SHROOM4: variants seen among roughly 807,000 people sequenced by gnomAD.
SHROOM4 encodes the protein shroom family member 4.
SHROOM4 carries 17 observed loss-of-function variants against 80.3 expected under a neutral mutation model. The ratio of observed to expected loss-of-function variants is 0.21; its 90% CI spans 0.14 to 0.32. The LOEUF is 0.32. Among genes scored for constraint, SHROOM4 ranks in the 10% least tolerant of loss-of-function variants. The probability of loss-of-function intolerance (pLI) is 1.00; values close to 1 mark genes in which losing one functional copy is unlikely to be tolerated. For synonymous variants in SHROOM4, 400 were observed against 437.5 expected (o/e 0.91, Z 1.07); for missense variants, 993 against 1,140.3 (o/e 0.87, Z 1.86).
At chrX:50,768,293 A>G (rs868944002) in intron 1 of SHROOM4, among the ~76,000 whole-genome samples, 30 of 112,187 alleles carry the variant, frequency 2.7e-4, no homozygotes, top group African/African-American at 9.1e-4. Context: ...TTCAAAATAA[A>G]TAGAAATAAG....
chrX:50,607,956 G>A lies in SHROOM4; in HGVS notation c.3186C>T (p.His1062=), dbSNP rs376167931. The stretch of plus-strand genomic sequence containing the variant: ...GGGTGCTTTGGGGCGCCAAGCTGAT[G>A]TGACTCTCTGAGAAGGCACGGCTGC... The part of the protein sequence containing the change: ...PLRSRAFSES[H]ISLAPQSTRA... Residue 1062 remains histidine (H), a synonymous_variant, in exon 6 of 9, where the codon CAC becomes CAT. Transcript: ENST00000376020. The A allele has an allele frequency of 7.4e-6, 9 of 1,210,317 alleles. No homozygotes were observed. In the African/African-American group the frequency reaches 1.2e-4, roughly 16 times the overall value.
At chrX:50,737,460 C>A (rs1557266784) in intron 1 of SHROOM4, among the ~76,000 whole-genome samples, 1 of 111,460 alleles carries the variant, frequency 9.0e-6, no homozygotes. Flanking sequence ...ATCTACAAGA[C>A]ACATATTTAT....
intron 2 of SHROOM4, among the ~76,000 whole-genome samples, chrX:50,662,105 G>A (rs1333187083): frequency 2.7e-5 from 3 of 110,931 alleles, no homozygotes; most frequent in East Asian, 2.8e-4. Flanking sequence ...GAAATTTAAC[G>A]TATGTTCAAA....
intron 8 of SHROOM4, among the ~76,000 whole-genome samples, chrX:50,597,426 G>A (rs1384476376): frequency 9.0e-6 from 1 of 111,718 alleles, no homozygotes; most frequent in African/African-American, 3.3e-5. Flanking sequence ...GGATTCAAAG[G>A]TATATCCAAA....
chrX:50,686,873 G>A (rs1460244168), intron 2 of SHROOM4, among the ~76,000 whole-genome samples: 1 of 111,717 alleles, frequency 9.0e-6, no homozygotes, highest in Non-Finnish European at 1.9e-5. Context: ...TATCTAGATG[G>A]AAGTAGCATT....
chrX:50,778,170 G>T (rs1935549295), intron 1 of SHROOM4, among the ~76,000 whole-genome samples: 1 of 111,938 alleles, frequency 8.9e-6, no homozygotes, highest in Admixed American at 9.5e-5. Context: ...TTAATCCTTT[G>T]CTCAGACTAC....
intron 1 of SHROOM4, among the ~76,000 whole-genome samples, chrX:50,809,601 G>C (rs149821050): frequency 1.7e-3 from 192 of 112,257 alleles, no homozygotes; most frequent in African/African-American, 6.0e-3. Context: ...AGCAATATCA[G>C]AGCACATCAA....
chrX:50,705,256 C>CA (rs1933633688), intron 1 of SHROOM4, among the ~76,000 whole-genome samples: 1 of 107,806 alleles, frequency 9.3e-6, no homozygotes, highest in Admixed American at 9.7e-5. Flanking sequence ...ACTGAGTTTC[C>CA]ACAACTGAAA....
intron 1 of SHROOM4, among the ~76,000 whole-genome samples, chrX:50,774,724 T>C (rs1935469526): frequency 9.1e-6 from 1 of 109,527 alleles, no homozygotes; most frequent in African/African-American, 3.3e-5. Context: ...AAGGAAACCT[T>C]TTGTTTACAT....
At chrX:50,712,459 A>C (rs1933842596) in intron 1 of SHROOM4, among the ~76,000 whole-genome samples, 1 of 112,093 alleles carries the variant, frequency 8.9e-6, no homozygotes, top group Admixed American at 9.5e-5. Context: ...TGTAACTCAA[A>C]GGATAAATGC....
intron 2 of SHROOM4, among the ~76,000 whole-genome samples, chrX:50,656,845 A>AT (rs1557259510): frequency 9.0e-6 from 1 of 111,327 alleles, no homozygotes; most frequent in East Asian, 2.8e-4. Flanking sequence ...CAGTATGGAC[A>AT]TTTTAATGAT....
At chrX:50,729,506 C>G (rs1934317303) in intron 1 of SHROOM4, among the ~76,000 whole-genome samples, 1 of 110,787 alleles carries the variant, frequency 9.0e-6, no homozygotes, top group African/African-American at 3.3e-5. Context: ...TATGGTACAC[C>G]ATTAAGCACA....
intron 1 of SHROOM4, among the ~76,000 whole-genome samples, chrX:50,753,024 T>C (rs782189169): frequency 5.4e-5 from 6 of 111,804 alleles, no homozygotes; most frequent in South Asian, 3.8e-4. Context: ...CTTGGGAGAA[T>C]AGACTGCATG....
At chrX:50,696,083 A>G (rs1479904538) in intron 1 of SHROOM4, 146 bp from the exon 2 acceptor site, 4 of 612,445 alleles carry the variant, frequency 6.5e-6, no homozygotes, top group Admixed American at 6.0e-5. Flanking sequence ...AGCTGATCAC[A>G]GGTCATTATT....
chrX:50,741,380 G>A (rs891404996), intron 1 of SHROOM4, among the ~76,000 whole-genome samples: 29 of 110,226 alleles, frequency 2.6e-4, no homozygotes, highest in Admixed American at 9.7e-5. Flanking sequence ...ATGCACAGCA[G>A]GGTGACTAGA....
intron 1 of SHROOM4, among the ~76,000 whole-genome samples, chrX:50,739,451 C>A (rs1557267028): frequency 9.0e-6 from 1 of 110,525 alleles, no homozygotes; most frequent in East Asian, 2.9e-4. Context: ...GGGCTAATAT[C>A]CAGAATCTAC....
At chrX:50,637,911 A>G (rs1405719226) in intron 3 of SHROOM4, among the ~76,000 whole-genome samples, 2 of 112,117 alleles carry the variant, frequency 1.8e-5, no homozygotes, top group Non-Finnish European at 3.8e-5. Context: ...CTAGTGAAAT[A>G]GAATGAAAAG....
chrX:50,602,561 G>A, intron 7 of SHROOM4, 72 bp downstream of exon 7: 1 of 1,049,530 alleles, frequency 9.5e-7, no homozygotes, highest in South Asian at 1.9e-5. Context: ...AGAGAGTGTA[G>A]AAGGCTGGTC....
At chrX:50,630,028 G>C (rs956966544) in intron 4 of SHROOM4, among the ~76,000 whole-genome samples, 14 of 111,102 alleles carry the variant, frequency 1.3e-4, no homozygotes, top group Non-Finnish European at 2.6e-4. Flanking sequence ...TATCTAAGCA[G>C]ACCTGCTTAG....
Sources: allele counts gnomAD v4.1 joint callset (sites outside exome capture counted in the v4.1 genomes callset), GRCh38; gene constraint gnomAD v4.1.1; transcripts MANE v1.5; gene names NCBI Gene and HGNC (gene_info 2026-07-23, HGNC 2026-07-21).